The following FBXO34 variants were observed in gnomAD, a reference collection of about 807,000 sequenced individuals.
FBXO34 encodes the protein F-box protein 34.
A neutral mutation model predicts 24.5 loss-of-function variants in FBXO34; 12 were observed. The observed-to-expected ratio is 0.49, with a 90% CI of 0.31 to 0.79. The LOEUF (loss-of-function observed/expected upper bound fraction) is 0.79, where lower values mean the gene tolerates loss of function less well. Ranked by LOEUF, FBXO34 falls within the 30% of genes least tolerant of loss-of-function variation. The pLI is 0.04. For synonymous variants in FBXO34, 320 were observed against 311.9 expected, an observed-to-expected ratio of 1.03 and a Z score of -0.27; for missense variants, 823 against 857.7, an observed-to-expected ratio of 0.96 and a Z score of 0.51.
intron 1 of FBXO34, among the ~76,000 whole-genome samples, chr14:55,336,306 G>A (rs1328219865): frequency 6.6e-6 from 1 of 152,102 alleles, no homozygotes; most frequent in Non-Finnish European, 1.5e-5. Flanking sequence ...GTGTAGAATA[G>A]GGCAAGAACT....
At chr14:55,429,153 T>A in the FBXO34 span, among the ~76,000 whole-genome samples, 1 of 152,222 alleles carries the variant, frequency 6.6e-6, no homozygotes, top group African/African-American at 2.4e-5. Context: ...TTATAAAAGG[T>A]CTTGTAAAAT....
At chr14:55,436,567 T>G in the FBXO34 span, 1 of 1,613,370 alleles carries the variant, frequency 6.2e-7, no homozygotes, top group Non-Finnish European at 8.5e-7. Context: ...TTACTGTAGT[T>G]GAGGTACAAT....
chr14:55,342,100 A>G (rs1359525976), intron 1 of FBXO34, among the ~76,000 whole-genome samples: 4 of 152,204 alleles, frequency 2.6e-5, no homozygotes, highest in Non-Finnish European at 4.4e-5. Flanking sequence ...CAACTTGTCA[A>G]TATTCCTTTT....
the FBXO34 span, chr14:55,397,424 T>G: frequency 1.2e-6 from 2 of 1,612,890 alleles, no homozygotes; most frequent in Non-Finnish European, 1.7e-6. Flanking sequence ...CTTTCCTTCT[T>G]GTCGATAAAC....
the FBXO34 span, chr14:55,411,850 T>A: frequency 7.7e-6 from 12 of 1,552,438 alleles, no homozygotes; most frequent in South Asian, 1.4e-4. Flanking sequence ...GCCAGTCACG[T>A]GGGATTTTGT....
At chr14:55,429,071 C>T in the FBXO34 span, 1 of 1,435,390 alleles carries the variant, frequency 7.0e-7, no homozygotes, top group South Asian at 1.3e-5. Context: ...CCACGTTTAT[C>T]TTTCAATGTA....
chr14:55,363,263 G>A (rs941890579), downstream of FBXO34, among the ~76,000 whole-genome samples: 3 of 150,136 alleles, frequency 2.0e-5, no homozygotes, highest in South Asian at 6.3e-4. Flanking sequence ...TCGAACTCCT[G>A]AGCTCAGGTG....
chr14:55,297,196 T>G (rs1158146501), intron 1 of FBXO34, among the ~76,000 whole-genome samples: 2 of 152,198 alleles, frequency 1.3e-5, no homozygotes, highest in African/African-American at 4.8e-5. Flanking sequence ...GGCTGCTCTT[T>G]GTTAGGAAAG....
the FBXO34 span, among the ~76,000 whole-genome samples, chr14:55,375,490 A>AATTTTTTTTTTT: frequency 1.7e-5 from 2 of 117,794 alleles, no homozygotes; most frequent in African/African-American, 3.4e-5. Flanking sequence ...GCCGGGCTAA[A>AATTTTTTTTTTT]TTTTTTTTTT....
At chr14:55,333,306 T>A (rs1395147459) in intron 1 of FBXO34, among the ~76,000 whole-genome samples, 1 of 152,224 alleles carries the variant, frequency 6.6e-6, no homozygotes, top group Non-Finnish European at 1.5e-5. Flanking sequence ...CACATTCCCC[T>A]TTACTTCGAC....
chr14:55,277,487 C>CT (rs370038388), intron 1 of FBXO34, among the ~76,000 whole-genome samples: 27 of 148,122 alleles, frequency 1.8e-4, no homozygotes, highest in Admixed American at 3.4e-4. Flanking sequence ...TGCCTGGCTG[C>CT]TTTTTTTTTT....
In FBXO34 at chr14:55,281,214, A is replaced by C. The variant is rs73281278; in HGVS notation, c.-11+9677A>C. ...GGTTATGGTGAGCTATGATCGTGCCACTGGACTCCAGCCTGGATGACAGAG... is the reference window on the plus strand; with the variant it reads ...GGTTATGGTGAGCTATGATCGTGCCCCTGGACTCCAGCCTGGATGACAGAG... On this transcript the variant is annotated intron_variant, in intron 1 of 1. Coordinates refer to ENST00000313833, the MANE Select transcript of FBXO34 (RefSeq NM_017943.4). Among the ~76,000 whole-genome samples, 505 of 143,682 alleles carry C rather than the reference A, an allele frequency of 3.5e-3. 2 individuals carry two copies. The highest frequency in any genetic ancestry group is 0.013 in the African/African-American group (491 of 38,520). The allele number at this position is 143,682 out of a possible 152,430, so 94.3% of individuals were successfully genotyped here.
intron 1 of FBXO34, among the ~76,000 whole-genome samples, chr14:55,276,080 TA>T (rs1881333114): frequency 6.6e-6 from 1 of 152,184 alleles, no homozygotes; most frequent in African/African-American, 2.4e-5. Context: ...CTAGGCAATC[TA>T]AAATTAGAAG....
chr14:55,409,211 T>G, the FBXO34 span, among the ~76,000 whole-genome samples: 1 of 152,184 alleles, frequency 6.6e-6, no homozygotes, highest in Non-Finnish European at 1.5e-5. Flanking sequence ...AAGAAAAGTA[T>G]AGGATAACTC....
intron 1 of FBXO34, chr14:55,282,593 G>A (rs1881596270): frequency 5.8e-6 from 1 of 173,488 alleles, no homozygotes; most frequent in Admixed American, 6.0e-5. Flanking sequence ...TATTTCTGTT[G>A]AAGGCTGTGT....
intron 1 of FBXO34, chr14:55,272,019 A>T (rs1881165734): frequency 6.6e-6 from 1 of 152,160 alleles, no homozygotes; most frequent in African/African-American, 2.4e-5. Flanking sequence ...TTCTTCAACG[A>T]CGAGGCGGGA....
the FBXO34 span, among the ~76,000 whole-genome samples, chr14:55,377,123 G>A: frequency 1.2e-4 from 19 of 152,300 alleles, no homozygotes; most frequent in African/African-American, 4.3e-4. Flanking sequence ...GAAGCGGGTG[G>A]ATCACCAGAG....
At chr14:55,365,894 A>G (rs76480089), downstream of FBXO34, among the ~76,000 whole-genome samples, 8,845 of 152,132 alleles carry the variant, frequency 0.058, 327 homozygotes, top group South Asian at 0.089. Context: ...CCTTCTCTAC[A>G]ATAATCTAAT....
At chr14:55,312,754 A>G (rs1355612789) in intron 1 of FBXO34, among the ~76,000 whole-genome samples, 2 of 152,194 alleles carry the variant, frequency 1.3e-5, no homozygotes, top group African/African-American at 4.8e-5. Flanking sequence ...CCCAGTGGGG[A>G]TGCGGGGCAC....
Sources: gnomAD v4.1 joint callset for allele counts (sites outside exome capture counted in the v4.1 genomes callset) on GRCh38, gnomAD v4.1.1 for gene constraint, MANE v1.5 for transcripts, NCBI Gene and HGNC (gene_info 2026-07-23, HGNC 2026-07-21) for gene names.